NRXN3: variants seen among roughly 807,000 people sequenced by gnomAD.
The protein encoded by NRXN3 is neurexin 3.
NRXN3 carries 32 observed loss-of-function variants against 137.6 expected under a neutral mutation model. The observed-to-expected ratio is 0.23, with a 90% CI of 0.18 to 0.31. The LOEUF is 0.31. Among genes scored for constraint, NRXN3 ranks in the 10% least tolerant of loss-of-function variants. The pLI is 1.00. For missense variants in NRXN3, 1,574 were observed against 2,062.5 expected (o/e 0.76, Z 4.59); for synonymous variants, 798 against 784.5 (o/e 1.02, Z -0.29).
intron 19 of NRXN3, among the ~76,000 whole-genome samples, chr14:79,717,564 T>C (rs2098827856): frequency 1.3e-5 from 2 of 152,196 alleles, no homozygotes; most frequent in South Asian, 4.1e-4. Flanking sequence ...AAGAAAGCAA[T>C]GCAGTTTAAT....
At chr14:79,630,618 C>T (rs2098334800) in intron 16 of NRXN3, among the ~76,000 whole-genome samples, 1 of 152,142 alleles carries the variant, frequency 6.6e-6, no homozygotes, top group African/African-American at 2.4e-5. Flanking sequence ...GCACTTTAGC[C>T]AGGTAGGGCT....
rs187685151 is a variant in NRXN3, at chr14:79,303,136, C to T, written c.3263-164085C>T. On this transcript the variant is annotated intron_variant, in intron 15 of 20. Coordinates refer to ENST00000335750, the MANE Select transcript of NRXN3 (RefSeq NM_001330195.2). ...CCCCAAAGCTTGTGCCCTCCTACTG[C>T]GCTACCCTGCCTCTTCCAGGCTTGG... is the stretch of plus-strand genomic sequence containing the variant. Among the ~76,000 whole-genome samples the T allele has an allele frequency of 3.9e-4, 60 of 152,116 alleles. No homozygotes were observed. In the East Asian group the frequency reaches 5.6e-3, roughly 14 times the overall value.
At chr14:78,685,322 T>A (rs1274321748) in intron 6 of NRXN3, among the ~76,000 whole-genome samples, 1 of 152,204 alleles carries the variant, frequency 6.6e-6, no homozygotes, top group African/African-American at 2.4e-5. Flanking sequence ...GAGGCACATA[T>A]GCTCCTATCT....
chr14:78,602,221 GTAGGGTATA>G (rs2097207249), intron 4 of NRXN3, among the ~76,000 whole-genome samples: 6 of 146,302 alleles, frequency 4.1e-5, no homozygotes, highest in Admixed American at 4.1e-4. Flanking sequence ...CTGAATACAT[GTAGGGTATA>G]TAGGCTTCTC....
At chr14:79,082,391 TTGTGTGTGTGTG>T (rs57728169) in intron 15 of NRXN3, among the ~76,000 whole-genome samples, 1 of 146,934 alleles carries the variant, frequency 6.8e-6, no homozygotes, top group Admixed American at 6.8e-5. Flanking sequence ...TGCAAACTAA[TTGTGTGTGTGTG>T]TGTGTGTGTG....
intron 15 of NRXN3, among the ~76,000 whole-genome samples, chr14:79,437,059 G>A (rs2095856428): frequency 6.6e-6 from 1 of 152,066 alleles, no homozygotes; most frequent in Admixed American, 6.6e-5. Flanking sequence ...GTGCTTAGTA[G>A]CATGTCAAAG....
At chr14:78,429,245 T>TG (rs59194432) in intron 4 of NRXN3, among the ~76,000 whole-genome samples, 2 of 151,740 alleles carry the variant, frequency 1.3e-5, no homozygotes, top group African/African-American at 4.9e-5. Context: ...TATATATATA[T>TG]TTTTTGTATA....
At chr14:79,748,798 A>G (rs1004403250) in intron 19 of NRXN3, among the ~76,000 whole-genome samples, 2 of 152,042 alleles carry the variant, frequency 1.3e-5, no homozygotes, top group Non-Finnish European at 2.9e-5. Context: ...CAAATGTACA[A>G]ATACATAGTG....
At position 78,480,221 on chromosome 14, in the gene NRXN3, A is replaced by G. The variant is rs1454453521; in HGVS notation, c.758-164899A>G. ...GGGCTTATATTATAACAACAGACTCACCTGTTTATATAGTGGCTGCAATTC... is the reference window on the plus strand; with the variant it reads ...GGGCTTATATTATAACAACAGACTCGCCTGTTTATATAGTGGCTGCAATTC... On this transcript the variant is annotated intron_variant, in intron 4 of 20. Transcript: ENST00000335750. 4.6e-5 allele frequency among the ~76,000 whole-genome samples: 7 copies of G among 152,186 alleles called. No individual in the cohort carries two copies. In the East Asian group the frequency reaches 1.3e-3, roughly 29 times the overall value.
chr14:79,588,938 A>G (rs1199264053), intron 16 of NRXN3, among the ~76,000 whole-genome samples: 1 of 152,164 alleles, frequency 6.6e-6, no homozygotes, highest in East Asian at 1.9e-4. Context: ...AAACAATCCA[A>G]TTATACCCTT....
Position 79,065,044 on chromosome 14 carries a change from A to G in NRXN3, c.3262+76903A>G, listed in dbSNP as rs1257137879. ...GGAATCATTATTTTGAGTTTGCTGT[A>G]GATACTTCAAACGTTTAAAATATGT... On this transcript the variant is annotated intron_variant, in intron 15 of 20. Transcript: ENST00000335750. 2.6e-5 allele frequency among the ~76,000 whole-genome samples: 4 copies of G among 152,146 alleles called. No individual in the cohort carries two copies. The South Asian group carries it at 6.2e-4, about 24-fold the overall frequency.
chr14:78,499,308 G>A (rs1001995957), intron 4 of NRXN3, among the ~76,000 whole-genome samples: 10 of 152,008 alleles, frequency 6.6e-5, no homozygotes, highest in African/African-American at 1.4e-4. Flanking sequence ...ATTAAAGTCC[G>A]TCTGTAAAGT....
chr14:79,652,970 G>A (rs112389988), intron 16 of NRXN3, among the ~76,000 whole-genome samples: 83 of 151,968 alleles, frequency 5.5e-4, no homozygotes, highest in African/African-American at 1.9e-3. Context: ...TGTTGTAGTG[G>A]GTGATAGTTG....
At chr14:79,426,043 A>G (rs544222399) in intron 15 of NRXN3, among the ~76,000 whole-genome samples, 1 of 152,274 alleles carries the variant, frequency 6.6e-6, no homozygotes, top group African/African-American at 2.4e-5. Context: ...TATGAAGGTT[A>G]GATCAAGGGC....
intron 15 of NRXN3, among the ~76,000 whole-genome samples, chr14:79,238,324 TAA>T (rs2073763856): frequency 6.6e-6 from 1 of 152,124 alleles, no homozygotes; most frequent in Non-Finnish European, 1.5e-5. Flanking sequence ...TATTAATCAT[TAA>T]GTTATTTGTG....
intron 15 of NRXN3, among the ~76,000 whole-genome samples, chr14:79,146,294 G>A (rs1243577090): frequency 6.6e-6 from 1 of 152,092 alleles, no homozygotes; most frequent in Non-Finnish European, 1.5e-5. Context: ...TACAAGGCAT[G>A]GTCCTGCCTT....
Position 78,375,367 on chromosome 14 carries a change from C to T in NRXN3, c.757+77507C>T, listed in dbSNP as rs138291353. On this transcript the variant is annotated intron_variant, in intron 4 of 20. Coordinates refer to ENST00000335750, the MANE Select transcript of NRXN3 (RefSeq NM_001330195.2). ...ATTTTAAATATTTTGAGAGAGCCATCGTCTCACCTTTCAATATTTATAGTC... is the reference window on the plus strand; with the variant it reads ...ATTTTAAATATTTTGAGAGAGCCATTGTCTCACCTTTCAATATTTATAGTC... Among the ~76,000 whole-genome samples, 44 of 152,300 alleles carry T rather than the reference C, an allele frequency of 2.9e-4. No individual in the cohort carries two copies. The East Asian group carries it at 7.9e-3, about 27-fold the overall frequency.
At chr14:78,194,871 G>A (rs1346132761) in intron 1 of NRXN3, among the ~76,000 whole-genome samples, 2 of 152,204 alleles carry the variant, frequency 1.3e-5, no homozygotes, top group East Asian at 1.9e-4. Context: ...GACCCCCTTG[G>A]CACTGGTTTG....
intron 10 of NRXN3, among the ~76,000 whole-genome samples, chr14:78,905,157 G>C (rs2099211469): frequency 1.3e-5 from 2 of 151,988 alleles, no homozygotes; most frequent in African/African-American, 4.8e-5. Flanking sequence ...TCTCTGAAGT[G>C]TACTGTGCCT....
Sources: gnomAD v4.1 joint callset for allele counts (sites outside exome capture counted in the v4.1 genomes callset) on GRCh38, gnomAD v4.1.1 for gene constraint, MANE v1.5 for transcripts, NCBI Gene and HGNC (gene_info 2026-07-23, HGNC 2026-07-21) for gene names.